Variants in CABIN1 observed in about 807,000 individuals in gnomAD.
The protein encoded by CABIN1 is calcineurin binding protein 1.
Under a neutral mutation model 227.7 loss-of-function variants are expected in CABIN1, and 133 were observed. The ratio of observed to expected loss-of-function variants is 0.58; its 90% CI spans 0.51 to 0.67. The LOEUF is 0.67. CABIN1 is among the 30% of genes least tolerant of loss of function. CABIN1 has a pLI of 0.00. For synonymous variants in CABIN1, 1,086 were observed against 1,155.1 expected (o/e 0.94, Z 1.21); for missense variants, 2,408 against 2,852.5 (o/e 0.84, Z 3.55).
intron 1 of CABIN1, among the ~76,000 whole-genome samples, chr22:24,025,720 G>T (rs2036039238): frequency 6.6e-6 from 1 of 152,192 alleles, no homozygotes; most frequent in Non-Finnish European, 1.5e-5. Flanking sequence ...TGTCACCCGG[G>T]CTGAAGTGCA....
chr22:24,178,426 G>C lies in CABIN1; in HGVS notation c.*230G>C. 1.7e-6 allele frequency: 1 copy of C among 575,900 alleles called. No homozygotes were observed. The highest frequency in any genetic ancestry group is 2.0e-5 in the South Asian group (1 of 49,904). 35.7% of individuals were successfully genotyped at this position (575,900 alleles called of 1,614,324 possible). ...GGCCCGCCTTAGCCATGTGAAGGTG[G>C]ATTGGTCGCCATCTGCACGCCAGGC... On this transcript the variant is annotated 3_prime_UTR_variant, in exon 37 of 37. Coordinates refer to ENST00000263119, the MANE Select transcript of CABIN1 (RefSeq NM_012295.4).
intron 1 of CABIN1, among the ~76,000 whole-genome samples, chr22:24,016,756 A>T (rs1466742641): frequency 6.6e-6 from 1 of 152,242 alleles, no homozygotes; most frequent in African/African-American, 2.4e-5. Flanking sequence ...AATTTCCAAC[A>T]GTGTATGAGA....
chr22:24,176,796 C>T (rs1010883584), intron 35 of CABIN1, among the ~76,000 whole-genome samples: 2 of 152,248 alleles, frequency 1.3e-5, no homozygotes, highest in African/African-American at 4.8e-5. Context: ...CCAGCCAGAC[C>T]CCTTGGGGAC....
chr22:24,085,165 T>C lies in CABIN1; in HGVS notation c.3263+14T>C, dbSNP rs1569189044. The C allele has an allele frequency of 6.2e-7, 1 of 1,614,114 alleles. No individual in the cohort carries two copies. The highest frequency in any genetic ancestry group is 1.7e-5 in the Admixed American group (1 of 60,018). On this transcript the variant is annotated intron_variant, in intron 22 of 36. Transcript: ENST00000263119. ...CTGCCCCAATAGGTCAGTGACCAGA[T>C]CATGAGGCTAGGCTGGCTGCAGGGA...
At chr22:24,020,933 C>T (rs1381961862) in intron 1 of CABIN1, among the ~76,000 whole-genome samples, 1 of 151,904 alleles carries the variant, frequency 6.6e-6, no homozygotes, top group South Asian at 2.1e-4. Flanking sequence ...TCTATATCAT[C>T]TCCTCTGTTA....
intron 1 of CABIN1, among the ~76,000 whole-genome samples, chr22:24,028,574 T>C (rs1188425490): frequency 6.6e-6 from 1 of 152,222 alleles, no homozygotes; most frequent in Non-Finnish European, 1.5e-5. Context: ...AGTCGTTTTT[T>C]TCCAGCCCTT....
chr22:24,046,488 T>C (rs976309453), intron 6 of CABIN1, among the ~76,000 whole-genome samples: 14 of 152,140 alleles, frequency 9.2e-5, no homozygotes, highest in African/African-American at 2.9e-4. Context: ...CCTCCCACAG[T>C]TTGGGACCAT....
chr22:24,167,147 C>A lies in CABIN1; in HGVS notation c.5516C>A (p.Pro1839Gln). Reference sequence around the variant, plus strand: ...AGGGCAGGGGGCCACCCGGAGGAGCCGCTCTCCCGGCTCAGCCGCAAGAGG... The same window carrying A: ...AGGGCAGGGGGCCACCCGGAGGAGCAGCTCTCCCGGCTCAGCCGCAAGAGG... ...GTRAGGHPEE[P>Q]LSRLSRKRKL... The change falls in exon 32 of 37, where the codon CCG becomes CAG. Residue 1839 changes from proline to glutamine, a missense_variant. Pro to Gln is a moderately conservative substitution (Grantham distance 76). Around this residue, in one of 3 missense-constraint regions of CABIN1, gnomAD observed 714 missense variants for 773.8 expected, o/e 0.92. Coordinates refer to ENST00000263119, the MANE Select transcript of CABIN1 (RefSeq NM_012295.4). 1 of 1,600,190 alleles carries A rather than the reference C, an allele frequency of 6.2e-7. No individual in the cohort carries two copies. The highest frequency in any genetic ancestry group is 8.5e-7 in the Non-Finnish European group (1 of 1,175,084).
intron 29 of CABIN1, among the ~76,000 whole-genome samples, chr22:24,143,109 G>A (rs943904969): frequency 5.9e-5 from 9 of 152,180 alleles, no homozygotes; most frequent in Admixed American, 5.9e-4. Context: ...AAGTGACTTG[G>A]CCATGGTCCT....
chr22:24,083,455 C>T, intron 20 of CABIN1, 66 bp downstream of exon 20: 16 of 1,569,346 alleles, frequency 1.0e-5, no homozygotes, highest in Non-Finnish European at 1.4e-5. Flanking sequence ...TGAAGGATGT[C>T]ATATTTGTCA....
chr22:24,136,849 C>G (rs2044457067), intron 29 of CABIN1, among the ~76,000 whole-genome samples: 1 of 151,746 alleles, frequency 6.6e-6, no homozygotes, highest in African/African-American at 2.4e-5. Flanking sequence ...AATTTCTTGT[C>G]CTTCATGTTC....
intron 26 of CABIN1, among the ~76,000 whole-genome samples, chr22:24,104,787 T>G (rs930403680): frequency 2.0e-5 from 3 of 152,222 alleles, no homozygotes; most frequent in Non-Finnish European, 4.4e-5. Flanking sequence ...TCAGAAAATT[T>G]CTCAAAATAC....
At chr22:24,170,298 CCCAT>C (rs2046718522) in intron 33 of CABIN1, among the ~76,000 whole-genome samples, 2 of 152,224 alleles carry the variant, frequency 1.3e-5, no homozygotes, top group African/African-American at 4.8e-5. Flanking sequence ...GCCATCAGAG[CCCAT>C]AGCTCCCGCC....
rs541736903 is a variant in CABIN1, at chr22:24,111,881, G to A, written c.4118-1685G>A. ...CTGTGTCAGGTTGGCTGCAATGTCTGGGAAAGGCATTCGTCATCTCTGTTA... is the reference window on the plus strand; with the variant it reads ...CTGTGTCAGGTTGGCTGCAATGTCTAGGAAAGGCATTCGTCATCTCTGTTA... On this transcript the variant is annotated intron_variant, in intron 26 of 36. Transcript: ENST00000263119. 6.6e-4 allele frequency among the ~76,000 whole-genome samples: 101 copies of A among 152,290 alleles called. 1 individual carries two copies. The highest frequency in any genetic ancestry group is 1.1e-3 in the Non-Finnish European group (76 of 68,032).
intron 29 of CABIN1, among the ~76,000 whole-genome samples, chr22:24,157,710 G>A (rs2045919946): frequency 6.6e-6 from 1 of 152,146 alleles, no homozygotes; most frequent in Non-Finnish European, 1.5e-5. Context: ...TGGGTAACAG[G>A]GGTCTCCCCA....
At chr22:24,169,655 C>T (rs538825373) in intron 33 of CABIN1, among the ~76,000 whole-genome samples, 26 of 152,206 alleles carry the variant, frequency 1.7e-4, no homozygotes, top group African/African-American at 4.6e-4. Flanking sequence ...CAGTGCTGGG[C>T]GCAGGCCCAG....
intron 1 of CABIN1, among the ~76,000 whole-genome samples, chr22:24,029,084 C>T (rs573951682): frequency 2.6e-5 from 4 of 152,232 alleles, no homozygotes; most frequent in East Asian, 1.9e-4. Context: ...AGGCCAGGTA[C>T]GGTGGCTCAT....
chr22:24,039,828 T>A (rs1183528477), intron 4 of CABIN1, among the ~76,000 whole-genome samples: 1 of 152,228 alleles, frequency 6.6e-6, no homozygotes, highest in East Asian at 1.9e-4. Flanking sequence ...AACAGTTTCT[T>A]TTTACACTCA....
At chr22:24,048,286 T>C (rs182037397) in intron 6 of CABIN1, among the ~76,000 whole-genome samples, 1 of 152,332 alleles carries the variant, frequency 6.6e-6, no homozygotes, top group Admixed American at 6.5e-5. Context: ...TTCTTCCCAG[T>C]ACTGTATCTT....
Sources: allele counts gnomAD v4.1 joint callset (sites outside exome capture counted in the v4.1 genomes callset), GRCh38; gene constraint gnomAD v4.1.1; regional missense constraint gnomAD v4.1.1; transcripts MANE v1.5; gene names NCBI Gene and HGNC (gene_info 2026-07-23, HGNC 2026-07-21).